JAM2: variants seen among roughly 807,000 people sequenced by gnomAD.
The protein encoded by JAM2 is junctional adhesion molecule 2, also known as junctional adhesion molecule B.
Under a neutral mutation model 42.0 loss-of-function variants are expected in JAM2, and 17 were observed. The observed-to-expected ratio is 0.40, with a 90% CI of 0.28 to 0.61. The LOEUF is 0.61. JAM2 is among the 20% of genes least tolerant of loss of function. The probability of loss-of-function intolerance (pLI) is 0.37; values close to 1 mark genes in which losing one functional copy is unlikely to be tolerated. For synonymous variants in JAM2, 118 were observed against 128.6 expected, an observed-to-expected ratio of 0.92 and a Z score of 0.56; for missense variants, 319 against 358.3, an observed-to-expected ratio of 0.89 and a Z score of 0.89.
At chr21:25,682,300 G>A (rs2829862) in intron 1 of JAM2, among the ~76,000 whole-genome samples, 97,689 of 152,186 alleles carry the variant, frequency 0.64, 32,706 homozygotes, top group African/African-American at 0.84. Context: ...AGAAAGTGAT[G>A]TAGATCAAAG....
intron 1 of JAM2, among the ~76,000 whole-genome samples, chr21:25,655,847 G>T (rs914045099): frequency 6.6e-6 from 1 of 150,690 alleles, no homozygotes; most frequent in Admixed American, 6.6e-5. Flanking sequence ...GTCAGTATAA[G>T]AAATGCAAAT....
At position 25,716,934 on chromosome 21, in the gene JAM2, C is replaced by T. The variant is rs2034490735; in HGVS notation, c.*2262C>T. 1 of 152,238 alleles carries T rather than the reference C, an allele frequency of 6.6e-6. No homozygotes were observed. Among genetic ancestry groups the T allele is most frequent in the Non-Finnish European group, 1.5e-5 (1 of 68,044 alleles). 9.4% of individuals were successfully genotyped at this position (152,238 alleles called of 1,614,324 possible). ...CTCTTCAGACATACCTGTCATCACA[C>T]AAGATCAACTTCTTCAGTTTAAATG... On this transcript the variant is annotated 3_prime_UTR_variant, in exon 10 of 10. Coordinates refer to ENST00000480456, the MANE Select transcript of JAM2 (RefSeq NM_021219.4).
chr21:25,643,153 T>C (rs904390590), intron 1 of JAM2, among the ~76,000 whole-genome samples: 10 of 152,044 alleles, frequency 6.6e-5, no homozygotes, highest in Admixed American at 1.3e-4. Flanking sequence ...TGAGGTAGGG[T>C]AGGTAAAAGA....
In JAM2 at chr21:25,712,421, T is replaced by C. The variant is rs760473141; in HGVS notation, c.864+39T>C. Reference sequence around the variant, plus strand: ...AAGCATATTTATAGAATGAATATGTTTGGGGAATAGGGCAGGGAAATGAAG... The same window carrying C: ...AAGCATATTTATAGAATGAATATGTCTGGGGAATAGGGCAGGGAAATGAAG... On this transcript the variant is annotated intron_variant, in intron 9 of 9. Transcript: ENST00000480456. 9 of 1,415,686 alleles carry C rather than the reference T, an allele frequency of 6.4e-6. No homozygotes were observed. In the Admixed American group the frequency reaches 6.9e-5, roughly 11 times the overall value. 87.7% of individuals were successfully genotyped at this position (1,415,686 alleles called of 1,614,324 possible). A position where few individuals can be genotyped will look rare whatever the true frequency, so the allele number is the denominator to read the frequency against.
Position 25,689,138 on chromosome 21 carries a change from T to A in JAM2, c.134-728T>A, listed in dbSNP as rs540271302. Among the ~76,000 whole-genome samples the A allele has an allele frequency of 2.6e-5, 4 of 152,252 alleles. No individual in the cohort carries two copies. In the South Asian group the frequency reaches 6.2e-4, roughly 24 times the overall value. ...ATTTCTTGTAATAAAAGAACTTAGC[T>A]ACATTGAGGCAGTTACACTTGATGC... is the stretch of plus-strand genomic sequence containing the variant. On this transcript the variant is annotated intron_variant, in intron 2 of 9. Coordinates refer to ENST00000480456, the MANE Select transcript of JAM2 (RefSeq NM_021219.4).
At chr21:25,646,572 G>C (rs1012994610) in intron 1 of JAM2, among the ~76,000 whole-genome samples, 1 of 151,926 alleles carries the variant, frequency 6.6e-6, no homozygotes, top group Non-Finnish European at 1.5e-5. Context: ...GGTGTGGGGG[G>C]AAAGAGAGAG....
intron 2 of JAM2, among the ~76,000 whole-genome samples, chr21:25,686,102 A>G (rs2033746399): frequency 6.6e-6 from 1 of 152,206 alleles, no homozygotes; most frequent in Non-Finnish European, 1.5e-5. Flanking sequence ...CACCACCTCT[A>G]CCTAGTTCCA....
intron 1 of JAM2, among the ~76,000 whole-genome samples, chr21:25,655,450 G>C (rs1043426620): frequency 7.6e-6 from 1 of 131,752 alleles, no homozygotes; most frequent in African/African-American, 2.9e-5. Context: ...ATAGAACAAA[G>C]TGAATTTACT....
At chr21:25,652,734 G>C (rs1417246799) in intron 1 of JAM2, among the ~76,000 whole-genome samples, 3 of 152,098 alleles carry the variant, frequency 2.0e-5, no homozygotes. Context: ...ATCTGATTTG[G>C]AAATGTTCTA....
chr21:25,706,342 C>A (rs1021791212), intron 7 of JAM2, among the ~76,000 whole-genome samples: 5 of 152,106 alleles, frequency 3.3e-5, no homozygotes, highest in Admixed American at 6.6e-5. Flanking sequence ...CCAACACACC[C>A]AGCTCATCTT....
chr21:25,695,474 CT>C (rs1483981651), intron 4 of JAM2, among the ~76,000 whole-genome samples: 1 of 152,234 alleles, frequency 6.6e-6, no homozygotes, highest in Admixed American at 6.5e-5. Flanking sequence ...ATGGCCCGTT[CT>C]CAATGAGCTG....
chr21:25,665,157 C>T (rs2033186858), intron 1 of JAM2, among the ~76,000 whole-genome samples: 1 of 152,118 alleles, frequency 6.6e-6, no homozygotes, highest in Non-Finnish European at 1.5e-5. Flanking sequence ...GAGGAGACAG[C>T]ACTCCCACCC....
intron 1 of JAM2, among the ~76,000 whole-genome samples, chr21:25,682,617 G>T (rs543900650): frequency 6.6e-6 from 1 of 152,352 alleles, no homozygotes; most frequent in African/African-American, 2.4e-5. Context: ...GATGGCCTGA[G>T]TGTTAACCAG....
intron 2 of JAM2, among the ~76,000 whole-genome samples, chr21:25,686,965 A>G (rs900389656): frequency 1.3e-5 from 2 of 152,236 alleles, no homozygotes; most frequent in African/African-American, 4.8e-5. Flanking sequence ...TGGCAATGAA[A>G]TAATCCCCTT....
At chr21:25,654,211 T>G (rs1308970846) in intron 1 of JAM2, among the ~76,000 whole-genome samples, 3 of 152,222 alleles carry the variant, frequency 2.0e-5, no homozygotes, top group Non-Finnish European at 4.4e-5. Context: ...TAATAGAATC[T>G]AATCATCATT....
At chr21:25,712,537 C>T (rs1473658257) in intron 9 of JAM2, among the ~76,000 whole-genome samples, 155 bp downstream of exon 9, 2 of 152,190 alleles carry the variant, frequency 1.3e-5, no homozygotes, top group Non-Finnish European at 2.9e-5. Context: ...TAGATGTTAG[C>T]TTCTGTACCC....
intron 8 of JAM2, chr21:25,710,182 T>A (rs547667385): frequency 1.1e-4 from 17 of 152,290 alleles, no homozygotes; most frequent in East Asian, 3.9e-4. Flanking sequence ...TTAAAAAAAA[T>A]TTACTGTATT....
At chr21:25,650,369 TA>T in intron 1 of JAM2, among the ~76,000 whole-genome samples, 1 of 152,316 alleles carries the variant, frequency 6.6e-6, no homozygotes, top group Non-Finnish European at 1.5e-5. Flanking sequence ...CTTAAAAAAT[TA>T]CCCCTGGATC....
intron 8 of JAM2, chr21:25,711,593 T>C (rs1406198865): frequency 3.1e-6 from 1 of 317,772 alleles, no homozygotes; most frequent in East Asian, 8.9e-5. Context: ...CAAGTCTAGG[T>C]TGAAGTTCAG....
Sources: allele counts gnomAD v4.1 joint callset (sites outside exome capture counted in the v4.1 genomes callset), GRCh38; gene constraint gnomAD v4.1.1; transcripts MANE v1.5; gene names NCBI Gene and HGNC (gene_info 2026-07-23, HGNC 2026-07-21).